Variants in KCNH7 observed in about 807,000 individuals in gnomAD.
The protein encoded by KCNH7 is voltage-gated inwardly rectifying potassium channel KCNH7.
In KCNH7, 49 loss-of-function variants were observed where a neutral mutation model predicts 120.8. That is an observed-to-expected ratio of 0.41 (90% CI 0.32 to 0.51). The LOEUF is 0.51. KCNH7 is among the 20% of genes least tolerant of loss of function. KCNH7 has a pLI of 0.38. For synonymous variants in KCNH7, 547 were observed against 516.1 expected, an observed-to-expected ratio of 1.06 and a Z score of -0.81; for missense variants, 1,097 against 1,446.6, an observed-to-expected ratio of 0.76 and a Z score of 3.92.
intron 6 of KCNH7, among the ~76,000 whole-genome samples, chr2:162,477,668 A>G (rs1689791328): frequency 6.6e-6 from 1 of 152,216 alleles, no homozygotes; most frequent in African/African-American, 2.4e-5. Context: ...TATTTTCAGT[A>G]ATTTCATATT....
chr2:162,443,033 C>G (rs1688474814), intron 7 of KCNH7, among the ~76,000 whole-genome samples: 1 of 152,130 alleles, frequency 6.6e-6, no homozygotes, highest in South Asian at 2.1e-4. Flanking sequence ...CCAGATATGG[C>G]TACTGGATCT....
At chr2:162,763,933 T>A (rs544370405) in intron 2 of KCNH7, among the ~76,000 whole-genome samples, 69 of 152,164 alleles carry the variant, frequency 4.5e-4, no homozygotes, top group Admixed American at 9.8e-4. Flanking sequence ...TGTGAGGAAT[T>A]TAATAAAGAT....
chr2:162,801,997 T>C (rs1328827689), intron 2 of KCNH7, among the ~76,000 whole-genome samples: 5 of 151,768 alleles, frequency 3.3e-5, no homozygotes, highest in African/African-American at 4.8e-5. Flanking sequence ...TATTCCAATA[T>C]AGTGGTTCAC....
At chr2:162,641,771 G>A (rs1264155782) in intron 2 of KCNH7, among the ~76,000 whole-genome samples, 1 of 152,126 alleles carries the variant, frequency 6.6e-6, no homozygotes, top group Non-Finnish European at 1.5e-5. Flanking sequence ...TTTGCAAAAT[G>A]TTATCATTGG....
chr2:162,800,182 T>G (rs1684293541), intron 2 of KCNH7, among the ~76,000 whole-genome samples: 1 of 151,678 alleles, frequency 6.6e-6, no homozygotes, highest in Non-Finnish European at 1.5e-5. Context: ...TAAACCCGGA[T>G]AGAAAAATAA....
chr2:162,606,707 T>C (rs2105962960), intron 2 of KCNH7, among the ~76,000 whole-genome samples: 1 of 152,284 alleles, frequency 6.6e-6, no homozygotes, highest in East Asian at 1.9e-4. Context: ...TTATAAACTT[T>C]AGTCTAACTT....
chr2:162,381,516 A>G (rs2105405826), intron 13 of KCNH7, among the ~76,000 whole-genome samples: 1 of 152,144 alleles, frequency 6.6e-6, no homozygotes, highest in South Asian at 2.1e-4. Context: ...ATTGAACATA[A>G]AGAAATTTCT....
At chr2:162,625,931 TA>T (rs1683539316) in intron 2 of KCNH7, among the ~76,000 whole-genome samples, 1 of 151,950 alleles carries the variant, frequency 6.6e-6, no homozygotes, top group Admixed American at 6.6e-5. Context: ...TTTGAAAATG[TA>T]AAAAAAATTA....
At chr2:162,667,109 TC>T (rs1226672944) in intron 2 of KCNH7, among the ~76,000 whole-genome samples, 1 of 145,004 alleles carries the variant, frequency 6.9e-6, no homozygotes, top group Non-Finnish European at 1.5e-5. Flanking sequence ...AGCCTCGACC[TC>T]CCGGGCTCAA....
chr2:162,831,041 G>A (rs1218106979), intron 2 of KCNH7, among the ~76,000 whole-genome samples: 1 of 152,118 alleles, frequency 6.6e-6, no homozygotes, highest in Admixed American at 6.6e-5. Context: ...CTGAAAACAA[G>A]TTTTCAAGCT....
rs1485972 is a variant in KCNH7, at chr2:162,564,915, T to C, written c.308-27835A>G. 3.3e-5 allele frequency among the ~76,000 whole-genome samples: 5 copies of C among 152,246 alleles called. No individual in the cohort carries two copies. In the South Asian group the frequency reaches 1.0e-3, roughly 32 times the overall value. On this transcript the variant is annotated intron_variant, in intron 2 of 15. Coordinates refer to ENST00000332142, the MANE Select transcript of KCNH7 (RefSeq NM_033272.4). ...CTCCAAAACCCCACTTGGTTAAAAA[T>C]AACTCTAATGTTGGGCTAGACATGT...
intron 2 of KCNH7, among the ~76,000 whole-genome samples, chr2:162,614,718 TTA>T (rs1317947578): frequency 6.7e-6 from 1 of 148,402 alleles, no homozygotes; most frequent in African/African-American, 2.5e-5. Flanking sequence ...ATACTACATA[TTA>T]TATATATATT....
At chr2:162,654,653 T>G (rs550320956) in intron 2 of KCNH7, among the ~76,000 whole-genome samples, 1 of 152,158 alleles carries the variant, frequency 6.6e-6, no homozygotes, top group East Asian at 1.9e-4. Context: ...TATATATATA[T>G]CCAACAGAAA....
At chr2:162,754,273 G>A (rs1157820699) in intron 2 of KCNH7, among the ~76,000 whole-genome samples, 1 of 151,974 alleles carries the variant, frequency 6.6e-6, no homozygotes, top group Non-Finnish European at 1.5e-5. Flanking sequence ...CTGTACAAGA[G>A]TAGTAGAAAT....
At position 162,396,826 on chromosome 2, in the gene KCNH7, C is replaced by T; in HGVS notation, c.2527G>A (p.Glu843Lys). Residue 843 changes from glutamate (E) to lysine (K), a missense_variant, in exon 11 of 16, where the codon GAG (glutamate) becomes AAG (lysine). By Grantham distance (56) the Glu-to-Lys change is moderately conservative. Transcript: ENST00000332142. ...AACTCAGGATACATATCCAAAACCTCTAACAAGTCTTCTCGCTGAATCTTA... is the reference window on the plus strand; with the variant it reads ...AACTCAGGATACATATCCAAAACCTTTAACAAGTCTTCTCGCTGAATCTTA... The part of the protein sequence containing the change: ...LHKIQREDLL[E>K]VLDMYPEFSD... The T allele has an allele frequency of 6.2e-7, 1 of 1,611,940 alleles. No individual in the cohort carries two copies. Among genetic ancestry groups the T allele is most frequent in the Non-Finnish European group, 8.5e-7 (1 of 1,178,782 alleles).
intron 13 of KCNH7, among the ~76,000 whole-genome samples, chr2:162,382,440 C>G (rs1387489151): frequency 6.6e-6 from 1 of 152,034 alleles, no homozygotes; most frequent in Non-Finnish European, 1.5e-5. Flanking sequence ...AGAATCTGCA[C>G]TTGGTTGCCT....
intron 2 of KCNH7, among the ~76,000 whole-genome samples, chr2:162,726,441 A>T (rs577667940): frequency 1.3e-5 from 2 of 152,220 alleles, no homozygotes; most frequent in Admixed American, 6.5e-5. Flanking sequence ...TATTTTTGAG[A>T]TGGAGTCTTG....
chr2:162,736,837 C>T (rs1687930647), intron 2 of KCNH7, among the ~76,000 whole-genome samples: 1 of 152,162 alleles, frequency 6.6e-6, no homozygotes, highest in African/African-American at 2.4e-5. Flanking sequence ...GTTATCTTTA[C>T]TGTGGTTCTG....
chr2:162,669,438 CT>C (rs1374447449), intron 2 of KCNH7, among the ~76,000 whole-genome samples: 2 of 152,112 alleles, frequency 1.3e-5, no homozygotes, highest in Non-Finnish European at 2.9e-5. Context: ...CTTCAAATTG[CT>C]GAAAGAAAAC....
Sources: allele counts gnomAD v4.1 joint callset (sites outside exome capture counted in the v4.1 genomes callset), GRCh38; gene constraint gnomAD v4.1.1; transcripts MANE v1.5; gene names NCBI Gene and HGNC (gene_info 2026-07-23, HGNC 2026-07-21).